The following KRT77 variants were observed in gnomAD, a reference collection of about 807,000 sequenced individuals.
The protein encoded by KRT77 is keratin, type II cytoskeletal 1b.
In KRT77, 44 loss-of-function variants were observed where a neutral mutation model predicts 51.5. The observed-to-expected ratio is 0.85, with a 90% CI of 0.67 to 1.10. The LOEUF is 1.10. KRT77 is among the 50% of genes least tolerant of loss of function. KRT77 has a pLI of 0.00. For missense variants in KRT77, 763 were observed against 743.9 expected, an observed-to-expected ratio of 1.03 and a Z score of -0.30; for synonymous variants, 293 against 302.0, an observed-to-expected ratio of 0.97 and a Z score of 0.31.
chr12:52,694,530 T>G, intron 5 of KRT77, 96 bp downstream of exon 5: 1 of 1,196,606 alleles, frequency 8.4e-7, no homozygotes, highest in Non-Finnish European at 1.1e-6. Context: ...CAAACACATT[T>G]TACTTCAGAA....
At chr12:52,700,694 C>T (rs548566974) in intron 1 of KRT77, among the ~76,000 whole-genome samples, 12 of 152,286 alleles carry the variant, frequency 7.9e-5, no homozygotes, top group African/African-American at 2.2e-4. Flanking sequence ...GTGAGGGCAA[C>T]GTGGCCTGAT....
intron 1 of KRT77, among the ~76,000 whole-genome samples, chr12:52,702,518 A>C: frequency 8.7e-6 from 1 of 115,262 alleles, no homozygotes. Context: ...GAATAAGTGA[A>C]TGGATGGATG....
rs1412927977 is a variant in KRT77 at position 52,703,032 on chromosome 12, C to T, written c.403G>A (p.Gly135Ser). 3 of 1,613,908 alleles carry T rather than the reference C, an allele frequency of 1.9e-6. No homozygotes were observed. The highest frequency in any genetic ancestry group is 2.5e-6 in the Non-Finnish European group (3 of 1,179,978). The change falls in exon 1 of 9, where the codon GGC becomes AGC. Residue 135 changes from glycine (G) to serine (S), a missense_variant. Transcript: ENST00000341809. Reference protein sequence around the residue: ...GGFGPYCPPGGIQEVTINQSL... With the variant: ...GGFGPYCPPGSIQEVTINQSL... Reference sequence around the variant, plus strand: ...TGGTTAATGGTCACCTCTTGGATGCCCCCAGGAGGACAATAAGGACCAAAG... The same window carrying T: ...TGGTTAATGGTCACCTCTTGGATGCTCCCAGGAGGACAATAAGGACCAAAG...
chr12:52,692,740 A>G lies in KRT77; in HGVS notation c.1206+15T>C, dbSNP rs1941734340. On this transcript the variant is annotated intron_variant, in intron 6 of 8. Transcript: ENST00000341809. Reference sequence around the variant, plus strand: ...GTGCAGGGCTTGGTCAGCCCTCCCTAAGCACCCGTCCCACCTGCTTCTTCA... The same window carrying G: ...GTGCAGGGCTTGGTCAGCCCTCCCTGAGCACCCGTCCCACCTGCTTCTTCA... The G allele has an allele frequency of 1.9e-6, 3 of 1,603,170 alleles. No individual in the cohort carries two copies. Among genetic ancestry groups the G allele is most frequent in the Non-Finnish European group, 2.6e-6 (3 of 1,170,978 alleles).
rs1022014983 is a variant in KRT77, at chr12:52,694,843, A to G, written c.916-53T>C. ...CCTTCCATTCTCCTCTGGGGGCCTC[A>G]GTTTTCCTCTGCTGCTCCCTCAAGG... On this transcript the variant is annotated intron_variant, in intron 4 of 8. Transcript: ENST00000341809. The G allele has an allele frequency of 3.5e-6, 5 of 1,444,344 alleles. No individual in the cohort carries two copies. The African/African-American group carries it at 7.0e-5, about 20-fold the overall frequency. 89.5% of individuals were successfully genotyped at this position (1,444,344 alleles called of 1,614,324 possible).
intron 8 of KRT77, 103 bp from the exon 9 acceptor site, chr12:52,691,542 G>C (rs1158449220): frequency 7.4e-7 from 1 of 1,346,164 alleles, no homozygotes; most frequent in Non-Finnish European, 1.0e-6. Flanking sequence ...GATCACCCGT[G>C]GCATCGACTT....
At chr12:52,694,862 C>T (rs1206010561) in intron 4 of KRT77, 72 bp from the exon 5 acceptor site, 1 of 1,371,036 alleles carries the variant, frequency 7.3e-7, no homozygotes, top group Non-Finnish European at 9.8e-7. Flanking sequence ...CTGCTGCTCC[C>T]TCAAGGCTCT....
intron 1 of KRT77, among the ~76,000 whole-genome samples, chr12:52,700,161 AC>A (rs1331839826): frequency 1.3e-5 from 2 of 152,172 alleles, no homozygotes; most frequent in Non-Finnish European, 2.9e-5. Context: ...TGAGGGGCTG[AC>A]CCAATTTGTC....
rs781428400 is a variant in KRT77, at chr12:52,691,226, G to A, written c.1676C>T (p.Ser559Phe). ...YGGSGRSGRG[S>F]SRVQIIQTST... ...GGTCTGGATGATCTGCACGCGCGAGGATCCGCGGCCGCTTCTGCCGCTCCC... is the reference window on the plus strand; with the variant it reads ...GGTCTGGATGATCTGCACGCGCGAGAATCCGCGGCCGCTTCTGCCGCTCCC... The change falls in exon 9 of 9, where the codon TCC becomes TTC. Residue 559 changes from serine to phenylalanine, a missense_variant. Physicochemically the swap from Ser to Phe is radical, Grantham distance 155. Transcript: ENST00000341809. 3 of 1,613,980 alleles carry A rather than the reference G, an allele frequency of 1.9e-6. No homozygotes were observed. Among genetic ancestry groups the A allele is most frequent in the African/African-American group, 1.3e-5 (1 of 75,016 alleles).
chr12:52,690,998 T>G lies in KRT77; in HGVS notation c.*167A>C. The G allele has an allele frequency of 1.1e-6, 1 of 893,238 alleles. No homozygotes were observed. Among genetic ancestry groups the G allele is most frequent in the Non-Finnish European group, 1.7e-6 (1 of 583,402 alleles). 55.3% of individuals were successfully genotyped at this position (893,238 alleles called of 1,614,324 possible). A position where few individuals can be genotyped will look rare whatever the true frequency, so the allele number is the denominator to read the frequency against. ...GTGCCCTCCAAAGAGAGATCTGCTG[T>G]TTGGACTTATCCACCCTGCTTCCCC... On this transcript the variant is annotated 3_prime_UTR_variant, in exon 9 of 9. Coordinates refer to ENST00000341809, the MANE Select transcript of KRT77 (RefSeq NM_175078.3).
chr12:52,694,720 A>G lies in KRT77; in HGVS notation c.986T>C (p.Leu329Pro). 1 of 1,613,780 alleles carries G rather than the reference A, an allele frequency of 6.2e-7. No homozygotes were observed. Reference sequence around the variant, plus strand: ...TGCATCGATGATGCTGTCCAGGTCCAGGGAACGGTTATTGTCCATGGACAG... The same window carrying G: ...TGCATCGATGATGCTGTCCAGGTCCGGGGAACGGTTATTGTCCATGGACAG... ...VILSMDNNRS[L>P]DLDSIIDAVR... The change falls in exon 5 of 9, where the codon CTG becomes CCG. Residue 329 changes from leucine (L) to proline (P), a missense_variant. Leu to Pro is a moderately conservative substitution (Grantham distance 98). Coordinates refer to ENST00000341809, the MANE Select transcript of KRT77 (RefSeq NM_175078.3).
At chr12:52,691,817 T>C in intron 8 of KRT77, 121 bp downstream of exon 8, 2 of 1,049,700 alleles carry the variant, frequency 1.9e-6, no homozygotes, top group South Asian at 1.3e-5. Context: ...CTTACTTTGG[T>C]GTCTATTGCA....
intron 1 of KRT77, chr12:52,698,237 C>T (rs1421450211): frequency 2.2e-6 from 2 of 905,538 alleles, no homozygotes; most frequent in Non-Finnish European, 3.1e-6. Context: ...ATCTGAGACA[C>T]TGATGACCCC....
intron 1 of KRT77, among the ~76,000 whole-genome samples, chr12:52,699,818 G>C (rs639219): frequency 6.6e-6 from 1 of 152,164 alleles, no homozygotes; most frequent in Non-Finnish European, 1.5e-5. Flanking sequence ...CTCCCGGGCT[G>C]CACTGGACCC....
At chr12:52,701,463 C>G (rs1164795462) in intron 1 of KRT77, among the ~76,000 whole-genome samples, 1 of 152,228 alleles carries the variant, frequency 6.6e-6, no homozygotes, top group Non-Finnish European at 1.5e-5. Context: ...AGTATGGCCT[C>G]TAGCCACAGC....
rs184419198 is a variant in KRT77 at position 52,701,780 on chromosome 12, T to C, written c.543+1112A>G. On this transcript the variant is annotated intron_variant, in intron 1 of 8. Coordinates refer to ENST00000341809, the MANE Select transcript of KRT77 (RefSeq NM_175078.3). Reference sequence around the variant, plus strand: ...GGCTTCTGTGTCTCCATCTGGCCCATCCTTGGCCCTTGATGAGCCAAAAGG... The same window carrying C: ...GGCTTCTGTGTCTCCATCTGGCCCACCCTTGGCCCTTGATGAGCCAAAAGG... Among the ~76,000 whole-genome samples the C allele has an allele frequency of 4.3e-4, 65 of 152,332 alleles. No individual in the cohort carries two copies. The East Asian group carries it at 0.01, about 24-fold the overall frequency.
chr12:52,702,913 C>G lies in KRT77; in HGVS notation c.522G>C (p.Lys174Asn). Reference protein sequence around the residue: ...EREQIMVLNNKFASFIDKVRF... With the variant: ...EREQIMVLNNNFASFIDKVRF... ...TCACCTTGTCAATGAAGGAGGCAAA[C>G]TTGTTGTTGAGAACCATAATCTGCT... The change falls in exon 1 of 9, where the codon AAG becomes AAC. Residue 174 changes from lysine to asparagine, a missense_variant. Transcript: ENST00000341809. The G allele has an allele frequency of 6.2e-7, 1 of 1,614,042 alleles. No homozygotes were observed. Among genetic ancestry groups the G allele is most frequent in the Non-Finnish European group, 8.5e-7 (1 of 1,180,008 alleles).
intron 2 of KRT77, 43 bp downstream of exon 2, chr12:52,697,639 C>G: frequency 7.0e-7 from 1 of 1,421,166 alleles, no homozygotes; most frequent in Non-Finnish European, 9.6e-7. Flanking sequence ...TGACCAGTTT[C>G]CGGCCATGCT....
In KRT77 at chr12:52,702,936, G is replaced by C. The variant is rs1381254506; in HGVS notation, c.499C>G (p.Gln167Glu). The C allele has an allele frequency of 6.2e-7, 1 of 1,613,890 alleles. No homozygotes were observed. The highest frequency in any genetic ancestry group is 8.5e-7 in the Non-Finnish European group (1 of 1,180,034). Residue 167 changes from glutamine (Q) to glutamate (E), a missense_variant, in exon 1 of 9, where the codon CAG (glutamine) becomes GAG (glutamate). Coordinates refer to ENST00000341809, the MANE Select transcript of KRT77 (RefSeq NM_175078.3). ...IQRIKTQERE[Q>E]IMVLNNKFAS... ...AACTTGTTGTTGAGAACCATAATCT[G>C]CTCCCGCTCCTGGGTCTTGATCCTC...
Sources: allele counts gnomAD v4.1 joint callset (sites outside exome capture counted in the v4.1 genomes callset), GRCh38; gene constraint gnomAD v4.1.1; transcripts MANE v1.5; gene names NCBI Gene and HGNC (gene_info 2026-07-23, HGNC 2026-07-21).